REST: variants seen among roughly 807,000 people sequenced by gnomAD.
The protein encoded by REST is RE1 silencing transcription factor.
Under a neutral mutation model 30.4 loss-of-function variants are expected in REST, and 1 was observed. The observed-to-expected ratio is 0.03, with a 90% CI of 0.01 to 0.16. REST has a LOEUF of 0.16. Among genes scored for constraint, REST ranks in the 10% least tolerant of loss-of-function variants. REST has a pLI of 1.00. For synonymous variants in REST, 504 were observed against 451.1 expected, an observed-to-expected ratio of 1.12 and a Z score of -1.49; for missense variants, 1,259 against 1,329.5, an observed-to-expected ratio of 0.95 and a Z score of 0.82.
At chr4:56,920,767 T>C (rs932452556) in intron 3 of REST, among the ~76,000 whole-genome samples, 6 of 152,184 alleles carry the variant, frequency 3.9e-5, no homozygotes, top group Non-Finnish European at 8.8e-5. Context: ...ATTGTCAAAG[T>C]ATTCAAGTGG....
Position 56,931,298 on chromosome 4 carries a change from C to G in REST, c.2440C>G (p.Pro814Ala). 1 of 1,614,244 alleles carries G rather than the reference C, an allele frequency of 6.2e-7. No homozygotes were observed. Among genetic ancestry groups the G allele is most frequent in the Non-Finnish European group, 8.5e-7 (1 of 1,180,050 alleles). Reference sequence around the variant, plus strand: ...TCACATGGAGCCAATTTCCAAAAAGCCTCCTCTCCGAAAAGATAAAAAGGA... The same window carrying G: ...TCACATGGAGCCAATTTCCAAAAAGGCTCCTCTCCGAAAAGATAAAAAGGA... Reference protein sequence around the residue: ...PLHMEPISKKPPLRKDKKEKS... With the variant: ...PLHMEPISKKAPLRKDKKEKS... Residue 814 changes from proline (P) to alanine (A), a missense_variant, in exon 4 of 4, where the codon CCT becomes GCT. Physicochemically the swap from Pro to Ala is conservative, Grantham distance 27. Around this residue, in one of 5 missense-constraint regions of REST, gnomAD observed 856 missense variants for 772.8 expected, o/e 1.11. Transcript: ENST00000309042.
chr4:56,918,958 A>G (rs1290570479), intron 2 of REST, among the ~76,000 whole-genome samples: 1 of 150,012 alleles, frequency 6.7e-6, no homozygotes, highest in African/African-American at 2.5e-5. Flanking sequence ...GTCAGGGGCC[A>G]CAATCCCCAT....
rs1030772128 is a variant in REST, at chr4:56,911,445, C to T, written c.807C>T (p.Asn269=). The T allele has an allele frequency of 5.6e-6, 9 of 1,613,976 alleles. No homozygotes were observed. In the African/African-American group the frequency reaches 9.3e-5, roughly 17 times the overall value. ...SEYHWRKHLR[N]HFPRKVYTCG... ...ATCACTGGAGGAAACATTTAAGAAA[C>T]CATTTTCCAAGGAAAGTATACACAT... The change falls in exon 2 of 4, where the codon AAC becomes AAT. Residue 269 remains asparagine (N), a synonymous_variant. Transcript: ENST00000309042.
At chr4:56,927,111 AG>A (rs1720749412) in intron 3 of REST, among the ~76,000 whole-genome samples, 1 of 150,848 alleles carries the variant, frequency 6.6e-6, no homozygotes, top group African/African-American at 2.4e-5. Context: ...AAAAAAAAAA[AG>A]AAAGAAATTG....
chr4:56,931,750 A>C lies in REST; in HGVS notation c.2892A>C (p.Ser964=). The change falls in exon 4 of 4, where the codon TCA becomes TCC. Residue 964 remains serine, a synonymous_variant. Transcript: ENST00000309042. ...NTRENLTGIN[S]TVEEPVSPML... is the part of the protein sequence containing the mutation. ...GAGAGAATCTCACTGGTATAAATTC[A>C]ACAGTTGAAGAACCAGTTTCACCAA... 1 of 1,614,246 alleles carries C rather than the reference A, an allele frequency of 6.2e-7. No individual in the cohort carries two copies. Among genetic ancestry groups the C allele is most frequent in the South Asian group, 1.1e-5 (1 of 91,084 alleles).
chr4:56,915,936 A>G (rs1012868598), intron 2 of REST, among the ~76,000 whole-genome samples: 2 of 152,204 alleles, frequency 1.3e-5, no homozygotes, highest in East Asian at 1.9e-4. Context: ...CCAAGGTCAT[A>G]TACAAGTATC....
chr4:56,926,910 A>G (rs1333579378), intron 3 of REST, among the ~76,000 whole-genome samples: 1 of 151,954 alleles, frequency 6.6e-6, no homozygotes, highest in Non-Finnish European at 1.5e-5. Flanking sequence ...CAGCCTGATC[A>G]ACATGGAGAA....
rs1720612880 is a variant in REST at position 56,924,877 on chromosome 4, C to G, written c.983-4964C>G. Among the ~76,000 whole-genome samples the G allele has an allele frequency of 2.0e-5, 3 of 151,974 alleles. 1 individual carries two copies. In the South Asian group the frequency reaches 6.2e-4, roughly 32 times the overall value. On this transcript the variant is annotated intron_variant, in intron 3 of 3. Coordinates refer to ENST00000309042, the MANE Select transcript of REST (RefSeq NM_005612.5). ...CCATTACTTTTTACTTAAAAATTTTCTTTGCCGGCTATGCACGGTTGTTCA... is the reference window on the plus strand; with the variant it reads ...CCATTACTTTTTACTTAAAAATTTTGTTTGCCGGCTATGCACGGTTGTTCA...
Position 56,933,347 on chromosome 4 carries a change from A to T in REST, c.*1195A>T, listed in dbSNP as rs1721041448. 1 of 152,244 alleles carries T rather than the reference A, an allele frequency of 6.6e-6. No individual in the cohort carries two copies. Among genetic ancestry groups the T allele is most frequent in the Non-Finnish European group, 1.5e-5 (1 of 68,042 alleles). The allele number at this position is 152,244 out of a possible 1,614,324, so 9.4% of individuals were successfully genotyped here. ...CTGTAAGTGATATTTGGAAACTACA[A>T]ACCTGGAATTAGGAGATATAATTAT... On this transcript the variant is annotated 3_prime_UTR_variant, in exon 4 of 4. Transcript: ENST00000309042.
chr4:56,913,389 T>G (rs1192218974), intron 2 of REST, among the ~76,000 whole-genome samples: 1 of 152,170 alleles, frequency 6.6e-6, no homozygotes, highest in Non-Finnish European at 1.5e-5. Context: ...AAATAAATGT[T>G]TTTAACTATT....
Position 56,930,013 on chromosome 4 carries a change from C to T in REST, c.1155C>T (p.Asn385=). The T allele has an allele frequency of 6.2e-7, 1 of 1,614,130 alleles. No individual in the cohort carries two copies. The highest frequency in any genetic ancestry group is 8.5e-7 in the Non-Finnish European group (1 of 1,179,994). The part of the protein sequence containing the change: ...NFKKHVELHV[N]PRQFNCPVCD... ...AAAAACATGTAGAGCTACATGTGAA[C>T]CCACGGCAGTTCAATTGCCCTGTAT... The change falls in exon 4 of 4, where the codon AAC becomes AAT. Residue 385 remains asparagine, a synonymous_variant. Coordinates refer to ENST00000309042, the MANE Select transcript of REST (RefSeq NM_005612.5).
chr4:56,930,847 G>C lies in REST; in HGVS notation c.1989G>C (p.Gln663His). 6.2e-7 allele frequency: 1 copy of C among 1,613,244 alleles called. No homozygotes were observed. Among genetic ancestry groups the C allele is most frequent in the Non-Finnish European group, 8.5e-7 (1 of 1,179,512 alleles). Residue 663 changes from glutamine (Q) to histidine (H), a missense_variant, in exon 4 of 4, where the codon CAG (glutamine) becomes CAC (histidine). Around this residue, in one of 5 missense-constraint regions of REST, gnomAD observed 856 missense variants for 772.8 expected, o/e 1.11. Coordinates refer to ENST00000309042, the MANE Select transcript of REST (RefSeq NM_005612.5). ...QMEVVQEGPA[Q>H]KELLPPVEPA... is the part of the protein sequence containing the mutation. The stretch of plus-strand genomic sequence containing the variant: ...AGGTGGTTCAGGAGGGGCCTGCTCA[G>C]AAGGAGCTGCTGCCTCCCGTGGAGC...
At position 56,930,809 on chromosome 4, in the gene REST, C is replaced by A. The variant is rs1375026161; in HGVS notation, c.1951C>A (p.Pro651Thr). 3.1e-6 allele frequency: 5 copies of A among 1,608,388 alleles called. No individual in the cohort carries two copies. The highest frequency in any genetic ancestry group is 4.2e-6 in the Non-Finnish European group (5 of 1,177,284). ...GAQIRPAPDE[P>T]VQMEVVQEGP... is the part of the protein sequence containing the mutation. ...CCAGATACGGCCTGCTCCTGACGAG[C>A]CTGTTCAGATGGAGGTGGTTCAGGA... Residue 651 changes from proline to threonine, a missense_variant, in exon 4 of 4, where the codon CCT (proline) becomes ACT (threonine). Transcript: ENST00000309042.
intron 2 of REST, among the ~76,000 whole-genome samples, chr4:56,917,312 A>G (rs1249280907): frequency 1.3e-5 from 2 of 152,062 alleles, no homozygotes; most frequent in Non-Finnish European, 2.9e-5. Context: ...ATCTATCACC[A>G]TTCTTTTTGT....
chr4:56,910,926 T>C lies in REST; in HGVS notation c.288T>C (p.Ser96=). ...DSEEGEGLEE[S]ADIKGEPHGL... ...AAGAAGGAGAAGGACTTGAAGAGTC[T>C]GCTGATATAAAAGGTGAACCTCATG... Residue 96 remains serine (S), a synonymous_variant, in exon 2 of 4, where the codon TCT becomes TCC. Coordinates refer to ENST00000309042, the MANE Select transcript of REST (RefSeq NM_005612.5). The C allele has an allele frequency of 1.2e-6, 2 of 1,614,198 alleles. No homozygotes were observed. Among genetic ancestry groups the C allele is most frequent in the Non-Finnish European group, 1.7e-6 (2 of 1,180,038 alleles).
Position 56,911,724 on chromosome 4 carries a change from G to C in REST, c.898+188G>C, listed in dbSNP as rs147664628. The C allele has an allele frequency of 1.2e-3, 728 of 592,946 alleles. 9 individuals are homozygous for C. In the South Asian group the frequency reaches 0.014, roughly 12 times the overall value. 36.7% of individuals were successfully genotyped at this position (592,946 alleles called of 1,614,324 possible). On this transcript the variant is annotated intron_variant, in intron 2 of 3. Coordinates refer to ENST00000309042, the MANE Select transcript of REST (RefSeq NM_005612.5). Reference sequence around the variant, plus strand: ...TTTCTCCATGGAGTAACAATATCTAGGTTGGGAGGATTATGTGAAGTTACA... The same window carrying C: ...TTTCTCCATGGAGTAACAATATCTACGTTGGGAGGATTATGTGAAGTTACA...
At chr4:56,914,922 CTTTTTT>C (rs10589188) in intron 2 of REST, among the ~76,000 whole-genome samples, 3 of 92,116 alleles carry the variant, frequency 3.3e-5, no homozygotes, top group African/African-American at 1.3e-4. Context: ...TTTTTTTTAA[CTTTTTT>C]TTTTTTTTTT....
Position 56,911,374 on chromosome 4 carries a change from C to G in REST, c.736C>G (p.Arg246Gly). The stretch of plus-strand genomic sequence containing the variant: ...CCACACCAGAGCTGGGGATAATGAG[C>G]GAGTCTACAAGTGTATCATTTGCAC... Reference protein sequence around the residue: ...KHHTRAGDNERVYKCIICTYT... With the variant: ...KHHTRAGDNEGVYKCIICTYT... Residue 246 changes from arginine to glycine, a missense_variant, in exon 2 of 4, where the codon CGA (arginine) becomes GGA (glycine). Physicochemically the swap from Arg to Gly is moderately radical, Grantham distance 125. Around this residue, in one of 5 missense-constraint regions of REST, gnomAD observed 125 missense variants for 255.4 expected, o/e 0.49. Coordinates refer to ENST00000309042, the MANE Select transcript of REST (RefSeq NM_005612.5). The G allele has an allele frequency of 6.2e-7, 1 of 1,614,086 alleles. No individual in the cohort carries two copies. Among genetic ancestry groups the G allele is most frequent in the Non-Finnish European group, 8.5e-7 (1 of 1,180,038 alleles).
At chr4:56,923,398 G>A (rs752939901) in intron 3 of REST, among the ~76,000 whole-genome samples, 13 of 152,206 alleles carry the variant, frequency 8.5e-5, no homozygotes, top group Admixed American at 5.2e-4. Flanking sequence ...CTCCTGAGTC[G>A]CTAGGTCTAC....
Sources: allele counts gnomAD v4.1 joint callset (sites outside exome capture counted in the v4.1 genomes callset), GRCh38; gene constraint gnomAD v4.1.1; regional missense constraint gnomAD v4.1.1; transcripts MANE v1.5; gene names NCBI Gene and HGNC (gene_info 2026-07-23, HGNC 2026-07-21).